Variants in CDH12 observed in about 807,000 individuals in gnomAD.
CDH12 encodes the protein cadherin 12, also known as cadherin-12.
CDH12 carries 41 observed loss-of-function variants against 74.1 expected under a neutral mutation model. The ratio of observed to expected loss-of-function variants is 0.55; its 90% CI spans 0.43 to 0.72. CDH12 has a LOEUF of 0.72. Among genes scored for constraint, CDH12 ranks in the 30% least tolerant of loss-of-function variants. The pLI is 0.00. For missense variants in CDH12, 945 were observed against 977.2 expected, an observed-to-expected ratio of 0.97 and a Z score of 0.44; for synonymous variants, 399 against 355.0, an observed-to-expected ratio of 1.12 and a Z score of -1.39.
intron 1 of CDH12, among the ~76,000 whole-genome samples, chr5:22,666,188 AC>A (rs1432090073): frequency 6.6e-6 from 1 of 151,004 alleles, no homozygotes; most frequent in Non-Finnish European, 1.5e-5. Context: ...TAATTTGAAC[AC>A]CCTTTTTTAA....
chr5:21,895,644 T>C (rs1047392385), intron 6 of CDH12, among the ~76,000 whole-genome samples: 1 of 152,192 alleles, frequency 6.6e-6, no homozygotes, highest in Non-Finnish European at 1.5e-5. Context: ...TAGACAGCCT[T>C]GTGCCACAAG....
intron 5 of CDH12, among the ~76,000 whole-genome samples, chr5:22,043,932 T>C (rs1270344166): frequency 1.3e-5 from 2 of 152,046 alleles, no homozygotes; most frequent in African/African-American, 2.4e-5. Context: ...TGAAAGACAT[T>C]CAAGAGGTTA....
intron 1 of CDH12, among the ~76,000 whole-genome samples, chr5:22,540,862 A>G (rs1293796452): frequency 1.3e-5 from 2 of 152,248 alleles, no homozygotes; most frequent in African/African-American, 4.8e-5. Context: ...ATGTATGGAT[A>G]TATACATATG....
At chr5:22,696,417 CA>C (rs1742367782) in intron 1 of CDH12, among the ~76,000 whole-genome samples, 1 of 151,346 alleles carries the variant, frequency 6.6e-6, no homozygotes, top group Non-Finnish European at 1.5e-5. Flanking sequence ...CTTTTCTCCC[CA>C]TCTGCATCAA....
intron 5 of CDH12, among the ~76,000 whole-genome samples, chr5:22,005,980 C>T (rs929502230): frequency 2.0e-5 from 3 of 152,054 alleles, no homozygotes; most frequent in Non-Finnish European, 4.4e-5. Context: ...TATGGAAAAG[C>T]TTTCTATCCT....
chr5:22,232,437 C>A (rs2150375698), intron 3 of CDH12, among the ~76,000 whole-genome samples: 1 of 151,938 alleles, frequency 6.6e-6, no homozygotes, highest in Admixed American at 6.6e-5. Flanking sequence ...GTATTTAGTA[C>A]ATTTACTTTA....
At chr5:22,274,305 C>G (rs910808224) in intron 3 of CDH12, among the ~76,000 whole-genome samples, 1 of 151,936 alleles carries the variant, frequency 6.6e-6, no homozygotes, top group Non-Finnish European at 1.5e-5. Context: ...AAAATACAAA[C>G]AATAACAAAA....
chr5:22,137,183 C>T (rs1019524872), intron 4 of CDH12, among the ~76,000 whole-genome samples: 54 of 152,008 alleles, frequency 3.6e-4, no homozygotes, highest in African/African-American at 1.2e-3. Flanking sequence ...ATCTTGACAT[C>T]AAACACATAT....
intron 3 of CDH12, among the ~76,000 whole-genome samples, chr5:22,225,256 C>T (rs1346643175): frequency 2.0e-5 from 3 of 152,032 alleles, no homozygotes; most frequent in Non-Finnish European, 2.9e-5. Flanking sequence ...TATACAATAG[C>T]ATAGCTCATT....
At chr5:22,347,728 T>C (rs1282151572) in intron 3 of CDH12, among the ~76,000 whole-genome samples, 2 of 152,240 alleles carry the variant, frequency 1.3e-5, no homozygotes, top group Admixed American at 1.3e-4. Flanking sequence ...TTATTATTAT[T>C]TGTAGCATTA....
At chr5:21,939,901 G>A (rs1245884359) in intron 6 of CDH12, among the ~76,000 whole-genome samples, 1 of 151,840 alleles carries the variant, frequency 6.6e-6, no homozygotes, top group African/African-American at 2.4e-5. Flanking sequence ...GGTTTTTTGT[G>A]CGTACTGATG....
intron 1 of CDH12, among the ~76,000 whole-genome samples, chr5:22,715,066 C>G (rs74354734): frequency 0.041 from 6,210 of 152,212 alleles, 175 homozygotes; most frequent in Admixed American, 0.071. Context: ...TCAACCTTAA[C>G]TTTGCCATCC....
intron 1 of CDH12, among the ~76,000 whole-genome samples, chr5:22,551,281 A>G (rs976405724): frequency 1.3e-5 from 2 of 152,156 alleles, no homozygotes; most frequent in African/African-American, 2.4e-5. Flanking sequence ...CCTCACAAGA[A>G]TCAATCTTCT....
At chr5:22,646,317 A>G (rs1476091196) in intron 1 of CDH12, among the ~76,000 whole-genome samples, 1 of 151,826 alleles carries the variant, frequency 6.6e-6, no homozygotes, top group African/African-American at 2.4e-5. Flanking sequence ...CAATTAATCA[A>G]TCAATCATGC....
chr5:22,040,591 C>T (rs373488835), intron 5 of CDH12, among the ~76,000 whole-genome samples: 4 of 152,252 alleles, frequency 2.6e-5, no homozygotes. Context: ...AAGGAATTAA[C>T]ATTAGACTAT....
At position 22,768,030 on chromosome 5, in the gene CDH12, G is replaced by T. The variant is rs542135749; in HGVS notation, c.-523+85028C>A. ...ACAGTTATAAATTCAGTGAAAAAAAGACAAGGAAAATTTGATCATGGTTTT... is the reference window on the plus strand; with the variant it reads ...ACAGTTATAAATTCAGTGAAAAAAATACAAGGAAAATTTGATCATGGTTTT... On this transcript the variant is annotated intron_variant, in intron 1 of 14. Transcript: ENST00000382254. 3.3e-5 allele frequency among the ~76,000 whole-genome samples: 5 copies of T among 151,978 alleles called. No individual in the cohort carries two copies. The South Asian group carries it at 8.3e-4, about 25-fold the overall frequency.
chr5:21,753,466 T>G (rs1252701767), intron 14 of CDH12, among the ~76,000 whole-genome samples: 3 of 152,150 alleles, frequency 2.0e-5, no homozygotes, highest in African/African-American at 7.2e-5. Flanking sequence ...ATACATAAAA[T>G]GAGTTCAGAA....
intron 1 of CDH12, among the ~76,000 whole-genome samples, chr5:22,623,978 T>A (rs1738130063): frequency 6.6e-6 from 1 of 152,064 alleles, no homozygotes; most frequent in Non-Finnish European, 1.5e-5. Flanking sequence ...TGTAGACCAA[T>A]GGAACAGAAC....
intron 1 of CDH12, among the ~76,000 whole-genome samples, chr5:22,846,162 T>C (rs768471295): frequency 6.6e-6 from 1 of 152,126 alleles, no homozygotes; most frequent in East Asian, 1.9e-4. Context: ...TGTTATTTAC[T>C]GAGATAAAGA....
Sources: gnomAD v4.1 joint callset for allele counts (sites outside exome capture counted in the v4.1 genomes callset) on GRCh38, gnomAD v4.1.1 for gene constraint, MANE v1.5 for transcripts, NCBI Gene and HGNC (gene_info 2026-07-23, HGNC 2026-07-21) for gene names.